The following DOT1L variants were observed in gnomAD, a reference collection of about 807,000 sequenced individuals.
DOT1L encodes the protein DOT1 like histone lysine methyltransferase, also known as histone-lysine N-methyltransferase, H3 lysine-79 specific.
A neutral mutation model predicts 153.3 loss-of-function variants in DOT1L; 33 were observed. That is an observed-to-expected ratio of 0.22 (90% CI 0.16 to 0.29). The LOEUF is 0.29. Among genes scored for constraint, DOT1L ranks in the 10% least tolerant of loss-of-function variants. DOT1L has a pLI of 1.00. For synonymous variants in DOT1L, 1,135 were observed against 965.1 expected (o/e 1.18, Z -3.26); for missense variants, 1,847 against 2,119.9 (o/e 0.87, Z 2.53).
At chr19:2,196,504 T>G (rs2023026028) in intron 7 of DOT1L, among the ~76,000 whole-genome samples, 2 of 152,138 alleles carry the variant, frequency 1.3e-5, no homozygotes, top group South Asian at 2.1e-4. Context: ...GGCTAATTTT[T>G]GTATTTTTAG....
At chr19:2,183,176 G>T (rs2864419) in intron 2 of DOT1L, among the ~76,000 whole-genome samples, 68,122 of 151,928 alleles carry the variant, frequency 0.45, 15,382 homozygotes, top group East Asian at 0.47. Context: ...TCCCACAGTG[G>T]TGTTGTTTTT....
rs2022888470 is a variant in DOT1L, at chr19:2,193,558, G to C, written c.494-131G>C. On this transcript the variant is annotated intron_variant, in intron 5 of 27. Transcript: ENST00000398665. The surrounding 1 kb of genome is among the most constrained non-coding windows in gnomAD (Gnocchi z 5.9). ...TGAGTGACCTTGGAGCATCGGATAT[G>C]TGTGGAGACTGTGGCCTCCCCTGTG... 1.3e-6 allele frequency: 1 copy of C among 749,972 alleles called. No homozygotes were observed. The highest frequency in any genetic ancestry group is 2.6e-5 in the East Asian group (1 of 38,396). 46.5% of individuals were successfully genotyped at this position (749,972 alleles called of 1,614,324 possible). A position where few individuals can be genotyped will look rare whatever the true frequency, so the allele number is the denominator to read the frequency against.
chr19:2,227,304 C>T, intron 27 of DOT1L, 177 bp downstream of exon 27: 1 of 839,278 alleles, frequency 1.2e-6, no homozygotes, highest in South Asian at 1.4e-5. Flanking sequence ...GGAGAGGGCT[C>T]ACGCTGAGTC....
At position 2,226,706 on chromosome 19, in the gene DOT1L, G is replaced by A. The variant is rs2024347580; in HGVS notation, c.4185G>A (p.Pro1395=). 2.5e-6 allele frequency: 4 copies of A among 1,569,050 alleles called. No individual in the cohort carries two copies. Among genetic ancestry groups the A allele is most frequent in the South Asian group, 1.2e-5 (1 of 85,756 alleles). The change falls in exon 27 of 28, where the codon CCG becomes CCA. Residue 1395 remains proline, a synonymous_variant. Coordinates refer to ENST00000398665, the MANE Select transcript of DOT1L (RefSeq NM_032482.3). ...RGKEAGEGGL[P]LCGPTDKTPL... is the part of the protein sequence containing the mutation. ...AGGAGGCAGGGGAGGGCGGCCTACC[G>A]CTGTGCGGGCCCACGGACAAGACCC...
At position 2,220,124 on chromosome 19, in the gene DOT1L, C is replaced by A; in HGVS notation, c.2708C>A (p.Pro903His). The change falls in exon 23 of 28, where the codon CCC (proline) becomes CAC (histidine). Residue 903 changes from proline (P) to histidine (H), a missense_variant. By Grantham distance (77) the Pro-to-His change is moderately conservative. Around this residue, in one of 8 missense-constraint regions of DOT1L, gnomAD observed 68 missense variants for 80.7 expected, o/e 0.84. Transcript: ENST00000398665. The surrounding 1 kb of genome is among the most constrained non-coding windows in gnomAD (Gnocchi z 4.5). Reference sequence around the variant, plus strand: ...TCTCTGCAGAGGAGCACCCCCAGTCCCGTGCTGCAGCCCCGTGACCCCTCG... The same window carrying A: ...TCTCTGCAGAGGAGCACCCCCAGTCACGTGCTGCAGCCCCGTGACCCCTCG... Reference protein sequence around the residue: ...RAERARSTPSPVLQPRDPSST... With the variant: ...RAERARSTPSHVLQPRDPSST... 6.2e-7 allele frequency: 1 copy of A among 1,610,860 alleles called. No homozygotes were observed. The highest frequency in any genetic ancestry group is 8.5e-7 in the Non-Finnish European group (1 of 1,177,740).
chr19:2,199,616 T>C (rs769066007), intron 7 of DOT1L, among the ~76,000 whole-genome samples: 3 of 152,280 alleles, frequency 2.0e-5, no homozygotes, highest in Non-Finnish European at 2.9e-5. Context: ...CGCAGTCCCC[T>C]TGGCTGGGCC....
intron 1 of DOT1L, among the ~76,000 whole-genome samples, chr19:2,180,491 A>T (rs2022181581): frequency 6.6e-6 from 1 of 152,096 alleles, no homozygotes; most frequent in Non-Finnish European, 1.5e-5. Flanking sequence ...CTGTAGTAGG[A>T]CACAGCGTGC....
In DOT1L at chr19:2,230,049, G is replaced by C. The variant is rs2024531292; in HGVS notation, c.*257G>C. 1.6e-6 allele frequency: 1 copy of C among 616,874 alleles called. No individual in the cohort carries two copies. The highest frequency in any genetic ancestry group is 3.2e-5 in the Admixed American group (1 of 31,516). The allele number at this position is 616,874 out of a possible 1,614,324, so 38.2% of individuals were successfully genotyped here. ...TTCTGACTTATTTTATTCCATCTAA[G>C]TGGTAAAAGGCAACTTATTGAGAAA... On this transcript the variant is annotated 3_prime_UTR_variant, in exon 28 of 28. Transcript: ENST00000398665.
At chr19:2,194,677 G>C in intron 7 of DOT1L, 100 bp downstream of exon 7, 1 of 1,335,924 alleles carries the variant, frequency 7.5e-7, no homozygotes, top group Non-Finnish European at 1.0e-6. Context: ...GCACATGGCT[G>C]TTGGCACATG....
intron 1 of DOT1L, among the ~76,000 whole-genome samples, chr19:2,168,994 C>T (rs747369403): frequency 2.6e-5 from 4 of 152,056 alleles, no homozygotes; most frequent in East Asian, 1.9e-4. Flanking sequence ...GTTGTTTGCT[C>T]GGAAAGAACC....
In DOT1L at chr19:2,208,996, C is replaced by T. The variant is rs757819611; in HGVS notation, c.1005+20C>T. 23 of 1,611,086 alleles carry T rather than the reference C, an allele frequency of 1.4e-5. No individual in the cohort carries two copies. The highest frequency in any genetic ancestry group is 2.2e-5 in the East Asian group (1 of 44,830). Reference sequence around the variant, plus strand: ...CTCAGGGTAAGTTTGTGTGTTTTTTCTCTTGGGTTAATAACACGCATGCAC... The same window carrying T: ...CTCAGGGTAAGTTTGTGTGTTTTTTTTCTTGGGTTAATAACACGCATGCAC... On this transcript the variant is annotated intron_variant, in intron 12 of 27. Coordinates refer to ENST00000398665, the MANE Select transcript of DOT1L (RefSeq NM_032482.3). This position sits in a 1 kb window ranked among gnomAD's most constrained non-coding sequence, Gnocchi z 4.4.
At chr19:2,194,309 T>C (rs1020178594) in intron 6 of DOT1L, among the ~76,000 whole-genome samples, 4 of 152,198 alleles carry the variant, frequency 2.6e-5, no homozygotes, top group Admixed American at 2.0e-4. Flanking sequence ...TAGCTGGGAC[T>C]ACAGGCGCCC....
chr19:2,191,315 G>A lies in DOT1L; in HGVS notation c.493+75G>A, dbSNP rs578103392. On this transcript the variant is annotated intron_variant, in intron 5 of 27. Coordinates refer to ENST00000398665, the MANE Select transcript of DOT1L (RefSeq NM_032482.3). The surrounding 1 kb of genome is among the most constrained non-coding windows in gnomAD (Gnocchi z 6.8). The stretch of plus-strand genomic sequence containing the variant: ...CTCTGTGCCTGCCCCATGCCTGCTT[G>A]GAGAAGAGTTTATCAGGGACTTGCG... 1.1e-5 allele frequency: 16 copies of A among 1,470,412 alleles called. No individual in the cohort carries two copies. In the East Asian group the frequency reaches 3.6e-4, roughly 33 times the overall value. The allele number at this position is 1,470,412 out of a possible 1,614,324, so 91.1% of individuals were successfully genotyped here. A position where few individuals can be genotyped will look rare whatever the true frequency, so the allele number is the denominator to read the frequency against.
chr19:2,222,045 G>A lies in DOT1L; in HGVS notation c.2876G>A (p.Gly959Glu). The A allele has an allele frequency of 1.2e-6, 2 of 1,613,066 alleles. No individual in the cohort carries two copies. Among genetic ancestry groups the A allele is most frequent in the Admixed American group, 3.3e-5 (2 of 60,004 alleles). Reference protein sequence around the residue: ...LAGSPASLTPGAEPATLDESS... With the variant: ...LAGSPASLTPEAEPATLDESS... ...GGCAGCCCGGCCTCTCTCACACCTG[G>A]AGCCGAGCCGGCCACCTTGGATGAG... The change falls in exon 24 of 28, where the codon GGA becomes GAA. Residue 959 changes from glycine (G) to glutamate (E), a missense_variant. Gly to Glu is a moderately conservative substitution (Grantham distance 98). Around this residue, in one of 8 missense-constraint regions of DOT1L, gnomAD observed 934 missense variants for 825.3 expected, o/e 1.13. Coordinates refer to ENST00000398665, the MANE Select transcript of DOT1L (RefSeq NM_032482.3). The surrounding 1 kb of genome is among the most constrained non-coding windows in gnomAD (Gnocchi z 6.5).
chr19:2,175,911 C>T (rs2021907476), intron 1 of DOT1L, among the ~76,000 whole-genome samples: 1 of 152,160 alleles, frequency 6.6e-6, no homozygotes. Context: ...TGGAAGCCAG[C>T]ACTGGGCTCT....
chr19:2,176,848 ACTT>A (rs1159082906), intron 1 of DOT1L, among the ~76,000 whole-genome samples: 2 of 152,134 alleles, frequency 1.3e-5, no homozygotes, highest in Non-Finnish European at 2.9e-5. Flanking sequence ...ACAGACAGGA[ACTT>A]CTGGGACCAC....
intron 3 of DOT1L, among the ~76,000 whole-genome samples, chr19:2,187,838 T>C (rs12608469): frequency 0.067 from 10,067 of 149,194 alleles, 464 homozygotes; most frequent in East Asian, 0.21. Flanking sequence ...AGGAGAATGG[T>C]GTGAACCCGG....
At chr19:2,195,495 G>C (rs942023352) in intron 7 of DOT1L, among the ~76,000 whole-genome samples, 9 of 152,184 alleles carry the variant, frequency 5.9e-5, no homozygotes, top group African/African-American at 1.9e-4. Flanking sequence ...TGCTGGTGCA[G>C]CTGCTCCCGT....
Position 2,172,675 on chromosome 19 carries a change from T to C in DOT1L, c.82-8038T>C, listed in dbSNP as rs2021707628. ...GTGTGCCACCAGGCCCAGCTAGTTT[T>C]TGTATTTTTAGTGGAGACGGGGTTT... is the stretch of plus-strand genomic sequence containing the variant. On this transcript the variant is annotated intron_variant, in intron 1 of 27. Transcript: ENST00000398665. 2.0e-5 allele frequency among the ~76,000 whole-genome samples: 3 copies of C among 151,954 alleles called. No homozygotes were observed. In the South Asian group the frequency reaches 6.2e-4, roughly 31 times the overall value.
Sources: gnomAD v4.1 joint callset for allele counts (sites outside exome capture counted in the v4.1 genomes callset) on GRCh38, gnomAD v4.1.1 for gene constraint, gnomAD v4.1.1 regional missense constraint, Gnocchi (gnomAD v3.1) non-coding constraint, MANE v1.5 for transcripts, NCBI Gene and HGNC (gene_info 2026-07-23, HGNC 2026-07-21) for gene names.